SORCS3: variants seen among roughly 807,000 people sequenced by gnomAD.
SORCS3 encodes sortilin related VPS10 domain containing receptor 3, also known as VPS10 domain-containing receptor SorCS3.
A neutral mutation model predicts 146.3 loss-of-function variants in SORCS3; 57 were observed. The observed-to-expected ratio is 0.39, with a 90% CI of 0.31 to 0.49. SORCS3 has a LOEUF of 0.49. SORCS3 is among the 20% of genes least tolerant of loss of function. The pLI is 0.92. For synonymous variants in SORCS3, 653 were observed against 618.5 expected (o/e 1.06, Z -0.83); for missense variants, 1,341 against 1,575.5 (o/e 0.85, Z 2.52).
intron 1 of SORCS3, among the ~76,000 whole-genome samples, chr10:104,696,770 A>T (rs924284306): frequency 7.6e-5 from 9 of 119,116 alleles, no homozygotes; most frequent in East Asian, 2.1e-4. Flanking sequence ...AATATATATA[A>T]TATATATATA....
chr10:104,923,448 G>A (rs58736483), intron 3 of SORCS3, among the ~76,000 whole-genome samples: 2 of 152,176 alleles, frequency 1.3e-5, no homozygotes, highest in Admixed American at 6.5e-5. Flanking sequence ...TGGTCAAAAG[G>A]TGGGTCCCTG....
intron 1 of SORCS3, among the ~76,000 whole-genome samples, chr10:104,772,295 C>T (rs889858117): frequency 2.6e-5 from 4 of 152,178 alleles, no homozygotes; most frequent in Non-Finnish European, 5.9e-5. Flanking sequence ...CCTCACCTGT[C>T]CACTGCCCTG....
In SORCS3 at chr10:104,713,240, C is replaced by T. The variant is rs1405050389; in HGVS notation, c.627+71286C>T. Among the ~76,000 whole-genome samples, 61 of 152,056 alleles carry T rather than the reference C, an allele frequency of 4.0e-4. 1 individual carries two copies. Among genetic ancestry groups the T allele is most frequent in the Non-Finnish European group, 1.2e-4 (8 of 68,018 alleles). On this transcript the variant is annotated intron_variant, in intron 1 of 26. Transcript: ENST00000369701. ...CAGGTGCTATGTCACCTTTCCTCAT[C>T]TGTGCTCTTCCCAACACAAGGTTGT...
At chr10:105,024,822 G>A (rs114137601) in intron 4 of SORCS3, among the ~76,000 whole-genome samples, 2,601 of 152,292 alleles carry the variant, frequency 0.017, 55 homozygotes, top group African/African-American at 0.048. Flanking sequence ...TGGGTTTGAA[G>A]CTTTCAGACC....
At chr10:105,048,455 T>G (rs1384442156) in intron 5 of SORCS3, among the ~76,000 whole-genome samples, 1 of 149,372 alleles carries the variant, frequency 6.7e-6, no homozygotes, top group East Asian at 2.0e-4. Flanking sequence ...AAACACCGCA[T>G]GTTCTCACTC....
At chr10:105,144,098 G>A (rs2056113799) in intron 8 of SORCS3, among the ~76,000 whole-genome samples, 1 of 152,110 alleles carries the variant, frequency 6.6e-6, no homozygotes, top group South Asian at 2.1e-4. Flanking sequence ...ATAATTTTGT[G>A]CTATTCTTTG....
At chr10:104,762,334 T>G (rs2017130562) in intron 1 of SORCS3, among the ~76,000 whole-genome samples, 2 of 152,236 alleles carry the variant, frequency 1.3e-5, no homozygotes, top group Admixed American at 6.5e-5. Context: ...TAAATACTTC[T>G]GCCATGGGTT....
intron 20 of SORCS3, among the ~76,000 whole-genome samples, chr10:105,243,119 T>C (rs537179913): frequency 1.7e-4 from 24 of 144,432 alleles, no homozygotes; most frequent in African/African-American, 6.1e-4. Context: ...AGATATCTCA[T>C]TTTCTTTTTA....
At chr10:104,848,906 A>T (rs1298811433) in intron 2 of SORCS3, among the ~76,000 whole-genome samples, 1 of 152,224 alleles carries the variant, frequency 6.6e-6, no homozygotes, top group Non-Finnish European at 1.5e-5. Flanking sequence ...GCAAGAATAT[A>T]TACATATCCA....
chr10:104,897,599 C>T (rs1265587433), intron 2 of SORCS3, among the ~76,000 whole-genome samples: 3 of 152,200 alleles, frequency 2.0e-5, no homozygotes, highest in African/African-American at 4.8e-5. Flanking sequence ...TTTGTTGGTA[C>T]GATTCCCCTG....
intron 23 of SORCS3, 131 bp from the exon 24 acceptor site, chr10:105,255,570 AT>A (rs1203918870): frequency 1.6e-6 from 1 of 626,282 alleles, no homozygotes; most frequent in African/African-American, 1.8e-5. Context: ...ATCGATAAAT[AT>A]TTTTCACTAT....
At chr10:104,697,182 A>T (rs1000337373) in intron 1 of SORCS3, among the ~76,000 whole-genome samples, 15 of 152,152 alleles carry the variant, frequency 9.9e-5, no homozygotes, top group Non-Finnish European at 2.1e-4. Context: ...TCCCTGATAG[A>T]TATCCATGTT....
intron 20 of SORCS3, among the ~76,000 whole-genome samples, chr10:105,242,502 T>G (rs1223309940): frequency 3.1e-5 from 2 of 65,492 alleles, no homozygotes; most frequent in Non-Finnish European, 5.5e-5. Context: ...TTATATATAT[T>G]TATATATATT....
At chr10:104,844,610 A>T (rs1180107405) in intron 2 of SORCS3, among the ~76,000 whole-genome samples, 1 of 152,144 alleles carries the variant, frequency 6.6e-6, no homozygotes, top group African/African-American at 2.4e-5. Context: ...TTGAAGTCCC[A>T]GTTTGTCCAC....
intron 3 of SORCS3, among the ~76,000 whole-genome samples, chr10:104,931,945 A>G (rs2019212554): frequency 6.6e-6 from 1 of 152,180 alleles, no homozygotes; most frequent in Admixed American, 6.5e-5. Flanking sequence ...CAGCATAGAT[A>G]TGCATGAGAG....
rs59868914 is a variant in SORCS3, at chr10:105,154,069, G to GA, written c.1483-3050dup. 3.9e-3 allele frequency among the ~76,000 whole-genome samples: 297 copies of GA among 76,092 alleles called. 1 individual carries two copies. The highest frequency in any genetic ancestry group is 0.028 in the East Asian group (72 of 2,556). The allele number at this position is 76,092 out of a possible 152,430, so 49.9% of individuals were successfully genotyped here. ...CAGGTGACTGAGTGAGACTCCATCT[G>GA]AAAAAAAAAAAAAAAAAAAGAAACT... On this transcript the variant is annotated intron_variant, in intron 9 of 26. Transcript: ENST00000369701.
intron 1 of SORCS3, among the ~76,000 whole-genome samples, chr10:104,724,599 A>C (rs1311130797): frequency 1.3e-5 from 2 of 152,048 alleles, no homozygotes; most frequent in Non-Finnish European, 2.9e-5. Flanking sequence ...TCTCCCCATC[A>C]CTTTCAGGTA....
intron 1 of SORCS3, among the ~76,000 whole-genome samples, chr10:104,643,430 C>A (rs139233706): frequency 6.6e-6 from 1 of 152,202 alleles, no homozygotes; most frequent in Non-Finnish European, 1.5e-5. Flanking sequence ...GCCTGGGTAG[C>A]CCATGCTGGT....
intron 3 of SORCS3, among the ~76,000 whole-genome samples, chr10:104,924,558 A>C (rs1223620215): frequency 2.0e-5 from 3 of 152,208 alleles, no homozygotes; most frequent in Non-Finnish European, 4.4e-5. Context: ...CTTGCATTCA[A>C]AACTGCCCAG....
Sources: allele counts gnomAD v4.1 joint callset (sites outside exome capture counted in the v4.1 genomes callset), GRCh38; gene constraint gnomAD v4.1.1; transcripts MANE v1.5; gene names NCBI Gene and HGNC (gene_info 2026-07-23, HGNC 2026-07-21).